DNAH5: variants seen among roughly 807,000 people sequenced by gnomAD.
The protein encoded by DNAH5 is dynein axonemal heavy chain 5, also known as axonemal beta dynein heavy chain 5.
DNAH5 carries 372 observed loss-of-function variants against 518.2 expected under a neutral mutation model. The ratio of observed to expected loss-of-function variants is 0.72; its 90% confidence interval spans 0.66 to 0.78. DNAH5 has a LOEUF of 0.78. DNAH5 is among the 30% of genes least tolerant of loss of function. The pLI, the probability that DNAH5 is intolerant of heterozygous loss-of-function variation, is 0.00. For synonymous variants in DNAH5, 2,039 were observed against 2,025.9 expected, an observed-to-expected ratio of 1.01 and a Z score of -0.17; for missense variants, 5,523 against 5,687.0, an observed-to-expected ratio of 0.97 and a Z score of 0.93.
chr5:13,864,525 C>G lies in DNAH5; in HGVS notation c.4468G>C (p.Ala1490Pro). The G allele has an allele frequency of 6.2e-7, 1 of 1,614,132 alleles. No homozygotes were observed. Among genetic ancestry groups the G allele is most frequent in the Non-Finnish European group, 8.5e-7 (1 of 1,180,016 alleles). The stretch of plus-strand genomic sequence containing the variant: ...CTTTCCCAGTGCCGCTCCATCATGG[C>G]TTTACTGGCCATGTATTCCAGCAGC... Reference protein sequence around the residue: ...CPLLEYMASKAMMERHWERIT... With the variant: ...CPLLEYMASKPMMERHWERIT... Residue 1490 changes from alanine to proline, a missense_variant, in exon 28 of 79, where the codon GCC (alanine) becomes CCC (proline). Ala to Pro is a conservative substitution (Grantham distance 27). This residue lies in a region of DNAH5 where 5,121 missense variants were observed against 5,223.3 expected (regional missense o/e 0.98). Coordinates refer to ENST00000265104, the MANE Select transcript of DNAH5 (RefSeq NM_001369.3).
chr5:13,911,614 G>A (rs1363004632), intron 11 of DNAH5, 121 bp from the exon 12 acceptor site: 5 of 825,054 alleles, frequency 6.1e-6, no homozygotes, highest in Non-Finnish European at 7.6e-6. Context: ...TTTAAAGGAA[G>A]CCTTATTTTT....
intron 12 of DNAH5, among the ~76,000 whole-genome samples, chr5:13,903,054 C>A (rs1191817193): frequency 6.6e-6 from 1 of 151,772 alleles, no homozygotes; most frequent in Non-Finnish European, 1.5e-5. Context: ...ATAGAGCAGT[C>A]TAAAGGAGAC....
At chr5:13,746,437 G>A (rs1749342797) in intron 65 of DNAH5, among the ~76,000 whole-genome samples, 1 of 152,108 alleles carries the variant, frequency 6.6e-6, no homozygotes, top group Non-Finnish European at 1.5e-5. Flanking sequence ...CTGAATGCAT[G>A]AAAGAGGGAG....
chr5:13,737,429 G>T lies in DNAH5; in HGVS notation c.11278C>A (p.Leu3760Ile). ...VTANKRRMKE[L>I]EDNLLYRLTS... is the part of the protein sequence containing the mutation. ...AGGCGGTAAAGCAAGTTATCTTCTA[G>T]TTCCTTCATCCTTCTTTTGTTTGCA... Residue 3760 changes from leucine to isoleucine, a missense_variant, in exon 66 of 79, where the codon CTA becomes ATA. Leu to Ile is a conservative substitution (Grantham distance 5). Around this residue, in one of 3 missense-constraint regions of DNAH5, gnomAD observed 5,121 missense variants for 5,223.3 expected, o/e 0.98. Transcript: ENST00000265104. 3 of 1,614,110 alleles carry T rather than the reference G, an allele frequency of 1.9e-6. No homozygotes were observed. Among genetic ancestry groups the T allele is most frequent in the Non-Finnish European group, 2.5e-6 (3 of 1,179,972 alleles).
In DNAH5 at chr5:13,754,188, A is replaced by G. The variant is rs766885133; in HGVS notation, c.10555+15T>C. On this transcript the variant is annotated intron_variant, in intron 62 of 78. Coordinates refer to ENST00000265104, the MANE Select transcript of DNAH5 (RefSeq NM_001369.3). ...CAGTCAACACACAATCTCATTAATA[A>G]AGAAATTTACATACCTACAAGTCTT... The G allele has an allele frequency of 1.4e-5, 22 of 1,613,964 alleles. No homozygotes were observed. The highest frequency in any genetic ancestry group is 1.6e-5 in the Non-Finnish European group (19 of 1,179,942).
At chr5:13,981,283 TTTCTGAAG>T (rs1782656794) in intron 1 of DNAH5, among the ~76,000 whole-genome samples, 1 of 152,204 alleles carries the variant, frequency 6.6e-6, no homozygotes, top group Non-Finnish European at 1.5e-5. Flanking sequence ...AGGAAACACA[TTTCTGAAG>T]AAAATGTACT....
intron 47 of DNAH5, 49 bp downstream of exon 47, chr5:13,807,526 GAGATTTGAGCCTCCAA>G (rs1445539466): frequency 1.0e-5 from 15 of 1,493,526 alleles, no homozygotes; most frequent in Non-Finnish European, 1.4e-5. Flanking sequence ...CAGAATAGTA[GAGATTTGAGCCTCCAA>G]AGTTTATCAC....
chr5:13,963,540 T>C (rs917585518), intron 1 of DNAH5, among the ~76,000 whole-genome samples: 12 of 151,592 alleles, frequency 7.9e-5, no homozygotes, highest in Non-Finnish European at 1.8e-4. Context: ...GATCACACCA[T>C]TGCACCCAGC....
chr5:13,903,319 C>CA (rs1385401879), intron 12 of DNAH5, among the ~76,000 whole-genome samples: 4 of 150,906 alleles, frequency 2.7e-5, no homozygotes, highest in East Asian at 2.0e-4. Context: ...TGGAAAAATA[C>CA]AAAAAAAGAT....
chr5:13,851,606 G>A lies in DNAH5; in HGVS notation c.4951-791C>T, dbSNP rs144384588. Among the ~76,000 whole-genome samples, 195 of 152,080 alleles carry A rather than the reference G, an allele frequency of 1.3e-3. 1 individual carries two copies. Among genetic ancestry groups the A allele is most frequent in the Non-Finnish European group, 2.4e-3 (164 of 67,986 alleles). On this transcript the variant is annotated intron_variant, in intron 30 of 78. Transcript: ENST00000265104. ...ATTACAAGCATGAGCCACTGCACCC[G>A]GCCCCAAATTTTCATTTTCTTCTTT...
At position 13,824,301 on chromosome 5, in the gene DNAH5, C is replaced by A. The variant is rs778815016; in HGVS notation, c.6477G>T (p.Leu2159=). The change falls in exon 39 of 79, where the codon CTG becomes CTT. Residue 2159 remains leucine (L), a synonymous_variant. Transcript: ENST00000265104. ...VHYDFGLRNI[L]SVLRTLGAAK... is the part of the protein sequence containing the mutation. Reference sequence around the variant, plus strand: ...CTGCTCCCAAGGTCCGAAGAACTGACAGAATGTTACGCAGGCCAAAGTCAT... The same window carrying A: ...CTGCTCCCAAGGTCCGAAGAACTGAAAGAATGTTACGCAGGCCAAAGTCAT... 1 of 1,614,050 alleles carries A rather than the reference C, an allele frequency of 6.2e-7. No individual in the cohort carries two copies. Among genetic ancestry groups the A allele is most frequent in the Non-Finnish European group, 8.5e-7 (1 of 1,179,980 alleles).
At chr5:13,828,399 G>A (rs1411115718) in intron 38 of DNAH5, among the ~76,000 whole-genome samples, 2 of 152,176 alleles carry the variant, frequency 1.3e-5, no homozygotes, top group Non-Finnish European at 2.9e-5. Flanking sequence ...TATATTTCTA[G>A]TAATTTTTAC....
rs138157585 is a variant in DNAH5, at chr5:13,864,484, G to A, written c.4509C>T (p.Thr1503=). 1.6e-3 allele frequency: 2,580 copies of A among 1,614,034 alleles called. 3 individuals are homozygous for A. Among genetic ancestry groups the A allele is most frequent in the Non-Finnish European group, 2.0e-3 (2,379 of 1,180,002 alleles). ...CATTCCCCACATCCAGACTGTGCCC[G>A]GTGAGGGTGGTTATCCTTTCCCAGT... is the stretch of plus-strand genomic sequence containing the variant. The part of the protein sequence containing the change: ...ERHWERITTL[T]GHSLDVGNES... The change falls in exon 28 of 79, where the codon ACC becomes ACT. Residue 1503 remains threonine, a synonymous_variant. Coordinates refer to ENST00000265104, the MANE Select transcript of DNAH5 (RefSeq NM_001369.3).
intron 12 of DNAH5, 81 bp downstream of exon 12, chr5:13,911,305 T>C (rs7731143): frequency 1.9e-6 from 2 of 1,057,796 alleles, no homozygotes; most frequent in Non-Finnish European, 2.9e-6. Context: ...TGCCTTCTGA[T>C]TGGGTAATGA....
Position 13,988,111 on chromosome 5 carries a change from C to T in DNAH5, c.12+23537G>A, listed in dbSNP as rs144155611. On this transcript the variant is annotated intron_variant, in intron 1 of 78. Transcript: ENST00000681290. ...TCTTATTTTGGTTGATAAGGATTTG[C>T]TATTTTGACAAACTGAAATTTACTA... 2.6e-5 allele frequency among the ~76,000 whole-genome samples: 4 copies of T among 152,220 alleles called. No individual in the cohort carries two copies. The South Asian group carries it at 6.2e-4, about 24-fold the overall frequency.
intron 1 of DNAH5, among the ~76,000 whole-genome samples, chr5:13,952,143 G>A (rs1321364235): frequency 5.2e-5 from 4 of 77,258 alleles, no homozygotes; most frequent in Admixed American, 1.3e-4. Context: ...TAACTAGAGG[G>A]ATCTCCCAAC....
chr5:13,901,135 C>A, intron 14 of DNAH5, 117 bp downstream of exon 14: 2 of 1,039,548 alleles, frequency 1.9e-6, no homozygotes, highest in Non-Finnish European at 1.4e-6. Context: ...AGATTCAACC[C>A]ATCTGCCTTA....
At chr5:13,705,485 T>A (rs1188218452) in intron 76 of DNAH5, among the ~76,000 whole-genome samples, 5 of 152,232 alleles carry the variant, frequency 3.3e-5, no homozygotes, top group African/African-American at 9.7e-5. Context: ...AAATAAATTT[T>A]AAAATAAGTC....
intron 32 of DNAH5, among the ~76,000 whole-genome samples, chr5:13,843,452 G>C (rs917395654): frequency 1.3e-5 from 2 of 152,104 alleles, no homozygotes; most frequent in African/African-American, 4.8e-5. Flanking sequence ...GTTGAATTGT[G>C]TCTCTCAAAA....
Sources: gnomAD v4.1 joint callset for allele counts (sites outside exome capture counted in the v4.1 genomes callset) on GRCh38, gnomAD v4.1.1 for gene constraint, gnomAD v4.1.1 regional missense constraint, MANE v1.5 for transcripts, NCBI Gene and HGNC (gene_info 2026-07-23, HGNC 2026-07-21) for gene names.